The following NBEAL2 variants were observed in gnomAD, a reference collection of about 807,000 sequenced individuals.
NBEAL2 encodes neurobeachin-like protein 2.
In NBEAL2, 160 loss-of-function variants were observed where a neutral mutation model predicts 299.8. That is an observed-to-expected ratio of 0.53 (90% CI 0.47 to 0.61). The LOEUF (loss-of-function observed/expected upper bound fraction) is 0.61. Ranked by LOEUF, NBEAL2 falls within the 20% of genes least tolerant of loss-of-function variation. The probability of loss-of-function intolerance (pLI) is 0.00; values close to 1 mark genes in which losing one functional copy is unlikely to be tolerated. For missense variants in NBEAL2, 3,112 were observed against 3,649.0 expected (o/e 0.85, Z 3.79); for synonymous variants, 1,493 against 1,542.3 (o/e 0.97, Z 0.75).
chr3:47,008,592 A>G lies in NBEAL2; in HGVS notation c.7951A>G (p.Thr2651Ala). The change falls in exon 52 of 54, where the codon ACA becomes GCA. Residue 2651 changes from threonine to alanine, a missense_variant. This residue lies in a region of NBEAL2 where 348 missense variants were observed against 381.4 expected (regional missense o/e 0.91). Coordinates refer to ENST00000450053, the MANE Select transcript of NBEAL2 (RefSeq NM_015175.3). ...TTCACTGCCCCTGGCAGAGCAGCCTACAGCCCTGACGGTGACAGAGGACTT... is the reference window on the plus strand; with the variant it reads ...TTCACTGCCCCTGGCAGAGCAGCCTGCAGCCCTGACGGTGACAGAGGACTT... ...RASLPLAEQP[T>A]ALTVTEDFVL... is the part of the protein sequence containing the mutation. The G allele has an allele frequency of 6.2e-7, 1 of 1,613,682 alleles. No homozygotes were observed. Among genetic ancestry groups the G allele is most frequent in the Non-Finnish European group, 8.5e-7 (1 of 1,179,882 alleles).
At position 47,000,257 on chromosome 3, in the gene NBEAL2, C is replaced by T. The variant is rs145928108; in HGVS notation, c.4158C>T (p.Pro1386=). The change falls in exon 27 of 54, where the codon CCC becomes CCT. Residue 1386 remains proline, a synonymous_variant. Transcript: ENST00000450053. The surrounding 1 kb of genome is among the most constrained non-coding windows in gnomAD (Gnocchi z 4.5). ...SSGTLTPASQ[P]GTPSPLDGPR... ...GGACTCTTACTCCAGCCAGCCAGCC[C>T]GGCACTCCTTCGCCACTGGATGGGC... The T allele has an allele frequency of 1.9e-4, 308 of 1,613,150 alleles. 1 individual carries two copies. The highest frequency in any genetic ancestry group is 4.9e-4 in the Middle Eastern group (3 of 6,062).
Position 46,994,522 on chromosome 3 carries a change from C to A in NBEAL2, c.1265C>A (p.Thr422Asn). 6.3e-7 allele frequency: 1 copy of A among 1,591,138 alleles called. No homozygotes were observed. Among genetic ancestry groups the A allele is most frequent in the Non-Finnish European group, 8.6e-7 (1 of 1,167,196 alleles). ...QEVLQSHGPP[T>N]HRLLQELLNM... ...GTTCTGCAGAGCCATGGTCCCCCCA[C>A]CCATCGGCTGTTGCAAGAGCTGCTC... The change falls in exon 12 of 54, where the codon ACC becomes AAC. Residue 422 changes from threonine to asparagine, a missense_variant. By Grantham distance (65) the Thr-to-Asn change is moderately conservative. Transcript: ENST00000450053.
chr3:47,003,293 G>C lies in NBEAL2; in HGVS notation c.5704G>C (p.Ala1902Pro). 6.2e-7 allele frequency: 1 copy of C among 1,612,776 alleles called. No homozygotes were observed. The highest frequency in any genetic ancestry group is 1.1e-5 in the South Asian group (1 of 91,070). ...QEDQLGEDEL[A>P]ELETPMEAAE... ...GGACCAGCTCGGCGAGGACGAGCTG[G>C]CTGAGCTGGAGACCCCGTGAGTGGG... is the stretch of plus-strand genomic sequence containing the variant. Residue 1902 changes from alanine (A) to proline (P), a missense_variant, in exon 35 of 54, where the codon GCT (alanine) becomes CCT (proline). Physicochemically the swap from Ala to Pro is conservative, Grantham distance 27. This residue lies in a region of NBEAL2 where 2,243 missense variants were observed against 2,538.1 expected (regional missense o/e 0.88). Transcript: ENST00000450053. The surrounding 1 kb of genome is among the most constrained non-coding windows in gnomAD (Gnocchi z 7.0).
Position 47,000,938 on chromosome 3 carries a change from C to T in NBEAL2, c.4306-63C>T. On this transcript the variant is annotated intron_variant, in intron 27 of 53. Coordinates refer to ENST00000450053, the MANE Select transcript of NBEAL2 (RefSeq NM_015175.3). The surrounding 1 kb of genome is among the most constrained non-coding windows in gnomAD (Gnocchi z 4.5). ...GTGCTGAGTGGGGATGGGTGGGCGT[C>T]AGCCTGATTCCCTCCCTTAGCCGCC... 6.5e-7 allele frequency: 1 copy of T among 1,546,900 alleles called. No homozygotes were observed. Among genetic ancestry groups the T allele is most frequent in the Non-Finnish European group, 8.7e-7 (1 of 1,144,218 alleles).
chr3:47,002,788 G>C lies in NBEAL2; in HGVS notation c.5445G>C (p.Gly1815=). ...ALWRQLASPC[G]AWALRDTPIP... Reference sequence around the variant, plus strand: ...GGCGCCAGCTCGCCAGCCCATGTGGGGCCTGGGCGCTGAGGTGGGCCGGGC... The same window carrying C: ...GGCGCCAGCTCGCCAGCCCATGTGGCGCCTGGGCGCTGAGGTGGGCCGGGC... The change falls in exon 33 of 54, where the codon GGG becomes GGC. Residue 1815 remains glycine, a synonymous_variant. Coordinates refer to ENST00000450053, the MANE Select transcript of NBEAL2 (RefSeq NM_015175.3). The C allele has an allele frequency of 6.4e-7, 1 of 1,561,168 alleles. No individual in the cohort carries two copies. The highest frequency in any genetic ancestry group is 1.9e-5 in the Admixed American group (1 of 53,676).
Position 46,992,517 on chromosome 3 carries a change from C to G in NBEAL2, c.1075C>G (p.Leu359Val). 6.2e-7 allele frequency: 1 copy of G among 1,605,276 alleles called. No individual in the cohort carries two copies. Among genetic ancestry groups the G allele is most frequent in the Non-Finnish European group, 8.5e-7 (1 of 1,176,360 alleles). ...SRAPPEGDSD[L>V]ATRLLTEPDV... ...GGCGCCCCCCGAGGGGGACAGTGAC[C>G]TGGCTACCCGGTTACTGACTGAGCC... The change falls in exon 10 of 54, where the codon CTG becomes GTG. Residue 359 changes from leucine to valine, a missense_variant. Physicochemically the swap from Leu to Val is conservative, Grantham distance 32. This residue lies in a region of NBEAL2 where 2,243 missense variants were observed against 2,538.1 expected (regional missense o/e 0.88). Transcript: ENST00000450053.
chr3:46,998,514 G>A lies in NBEAL2; in HGVS notation c.3170G>A (p.Arg1057Gln), dbSNP rs371048264. The A allele has an allele frequency of 4.2e-5, 67 of 1,613,252 alleles. No individual in the cohort carries two copies. Among genetic ancestry groups the A allele is most frequent in the Non-Finnish European group, 5.4e-5 (64 of 1,179,742 alleles). Residue 1057 changes from arginine (R) to glutamine (Q), a missense_variant, in exon 22 of 54, where the codon CGG (arginine) becomes CAG (glutamine). Physicochemically the swap from Arg to Gln is conservative, Grantham distance 43 (BLOSUM62 1). Coordinates refer to ENST00000450053, the MANE Select transcript of NBEAL2 (RefSeq NM_015175.3). ...GTTCGGGAGCACAGACAGAAGCTGC[G>A]GAAGAAGTACGGCGTCCAGTTTATC... ...SIVREHRQKLRKKYGVQFILD... is the reference protein window; with the variant it reads ...SIVREHRQKLQKKYGVQFILD...
rs1380249280 is a variant in NBEAL2, at chr3:47,004,022, A to T, written c.5881+46A>T. On this transcript the variant is annotated intron_variant, in intron 36 of 53. Coordinates refer to ENST00000450053, the MANE Select transcript of NBEAL2 (RefSeq NM_015175.3). This position sits in a 1 kb window ranked among gnomAD's most constrained non-coding sequence, Gnocchi z 5.0. The stretch of plus-strand genomic sequence containing the variant: ...TTAGGAGGATGGCAGGGAATGGCTG[A>T]GCTCTGGGTGGGGCTGGGGTGAGTG... 1 of 1,606,140 alleles carries T rather than the reference A, an allele frequency of 6.2e-7. No individual in the cohort carries two copies. The highest frequency in any genetic ancestry group is 1.7e-5 in the Admixed American group (1 of 59,826).
Position 46,996,496 on chromosome 3 carries a change from T to C in NBEAL2, c.2377T>C (p.Trp793Arg). Residue 793 changes from tryptophan (W) to arginine (R), a missense_variant, in exon 16 of 54, where the codon TGG becomes CGG. Trp to Arg is a moderately radical substitution (Grantham distance 101, BLOSUM62 -3). Transcript: ENST00000450053. ...CCTCGCAGGCACCCAGGACACTCGG[T>C]GGGGCAGCCCCACATCCCTGGAGGG... ...STLAGTQDTR[W>R]GSPTSLEGEL... is the part of the protein sequence containing the mutation. 6.3e-7 allele frequency: 1 copy of C among 1,585,008 alleles called. No homozygotes were observed. Among genetic ancestry groups the C allele is most frequent in the Non-Finnish European group, 8.6e-7 (1 of 1,163,072 alleles).
intron 32 of NBEAL2, 43 bp from the exon 33 acceptor site, chr3:47,002,602 G>A (rs1291588217): frequency 1.2e-6 from 2 of 1,607,496 alleles, no homozygotes; most frequent in Admixed American, 1.7e-5. Flanking sequence ...AAACGGGTAG[G>A]GCAGGCAGCA....
At chr3:46,995,675 G>A in intron 13 of NBEAL2, 39 bp from the exon 14 acceptor site, 1 of 1,609,686 alleles carries the variant, frequency 6.2e-7, no homozygotes, top group Non-Finnish European at 8.5e-7. Context: ...GCCAGGGTGA[G>A]CAGGAACAAG....
rs1371533608 is a variant in NBEAL2 at position 47,008,630 on chromosome 3, C to T, written c.7989C>T (p.Gly2663=). 6.2e-7 allele frequency: 1 copy of T among 1,613,364 alleles called. No individual in the cohort carries two copies. Among genetic ancestry groups the T allele is most frequent in the African/African-American group, 1.3e-5 (1 of 74,938 alleles). Reference sequence around the variant, plus strand: ...TGACAGAGGACTTTGTGTTGCTGGGCACCGCCCAGTGCGCCCTGCACATCC... The same window carrying T: ...TGACAGAGGACTTTGTGTTGCTGGGTACCGCCCAGTGCGCCCTGCACATCC... The part of the protein sequence containing the change: ...LTVTEDFVLL[G]TAQCALHILQ... The change falls in exon 52 of 54, where the codon GGC becomes GGT. Residue 2663 remains glycine (G), a synonymous_variant. Transcript: ENST00000450053.
chr3:47,008,091 GCACCAAA>G lies in NBEAL2; in HGVS notation c.7625_7631del (p.Ala2542GlyfsTer13). 1 of 1,613,988 alleles carries G rather than the reference GCACCAAA, an allele frequency of 6.2e-7. No homozygotes were observed. Among genetic ancestry groups the G allele is most frequent in the Non-Finnish European group, 8.5e-7 (1 of 1,179,878 alleles). ...ACAGGGTGGTCTGTCAGTAGGCCTG[GCACCAAA>G]GCCTGTGCAGGTCCTGTATGGGCAT... On this transcript the variant is annotated frameshift_variant, in exon 50 of 54. Transcript: ENST00000450053. LOFTEE classifies it high-confidence loss of function.
chr3:46,991,669 C>A lies in NBEAL2; in HGVS notation c.906C>A (p.Thr302=). ...LSSGPEEALV[T]LRVSMLDAIP... ...CAGGCCCCGAAGAGGCCCTTGTCACCCTCCGGGTCAGCATGCTCGGTGGGT... is the reference window on the plus strand; with the variant it reads ...CAGGCCCCGAAGAGGCCCTTGTCACACTCCGGGTCAGCATGCTCGGTGGGT... The change falls in exon 8 of 54, where the codon ACC becomes ACA. Residue 302 remains threonine (T), a synonymous_variant. Transcript: ENST00000450053. This position sits in a 1 kb window ranked among gnomAD's most constrained non-coding sequence, Gnocchi z 6.2. 6.3e-7 allele frequency: 1 copy of A among 1,598,288 alleles called. No homozygotes were observed. The highest frequency in any genetic ancestry group is 8.5e-7 in the Non-Finnish European group (1 of 1,178,856).
At position 47,004,337 on chromosome 3, in the gene NBEAL2, G is replaced by A. The variant is rs745321939; in HGVS notation, c.6142G>A (p.Gly2048Ser). Residue 2048 changes from glycine to serine, a missense_variant, in exon 37 of 54, where the codon GGC becomes AGC. By Grantham distance (56) the Gly-to-Ser change is moderately conservative. Transcript: ENST00000450053. This position sits in a 1 kb window ranked among gnomAD's most constrained non-coding sequence, Gnocchi z 5.0. Reference sequence around the variant, plus strand: ...CCTGCGCCTACGGCCCCCCTCTCAAGGCTACCTAAGCAGCCGCTCCCCCCA... The same window carrying A: ...CCTGCGCCTACGGCCCCCCTCTCAAAGCTACCTAAGCAGCCGCTCCCCCCA... ...WLLRLRPPSQ[G>S]YLSSRSPQEM... is the part of the protein sequence containing the mutation. The A allele has an allele frequency of 1.2e-6, 2 of 1,608,722 alleles. No individual in the cohort carries two copies. The highest frequency in any genetic ancestry group is 2.2e-5 in the South Asian group (2 of 90,744).
chr3:46,996,351 C>T lies in NBEAL2; in HGVS notation c.2232C>T (p.Pro744=), dbSNP rs200828934. ...TTTGLPTPPV[P]ATLAYTHPAL... ...CAGGGCTGCCCACACCACCAGTCCC[C>T]GCCACCCTGGCCTACACTCACCCCG... Residue 744 remains proline, a synonymous_variant, in exon 16 of 54, where the codon CCC becomes CCT. Transcript: ENST00000450053. 3.4e-5 allele frequency: 55 copies of T among 1,612,414 alleles called. No homozygotes were observed. The highest frequency in any genetic ancestry group is 4.0e-5 in the African/African-American group (3 of 75,048).
At chr3:46,999,155 A>C in intron 24 of NBEAL2, 38 bp downstream of exon 24, 1 of 1,549,750 alleles carries the variant, frequency 6.5e-7, no homozygotes, top group Non-Finnish European at 8.7e-7. Flanking sequence ...CATCCCATTC[A>C]CTGGGGCCCC....
rs374527787 is a variant in NBEAL2 at position 46,995,606 on chromosome 3, G to T, written c.1871G>T (p.Arg624Leu). The change falls in exon 13 of 54, where the codon CGA (arginine) becomes CTA (leucine). Residue 624 changes from arginine (R) to leucine (L), a missense_variant. Coordinates refer to ENST00000450053, the MANE Select transcript of NBEAL2 (RefSeq NM_015175.3). ...ACAGCACCTACCCCTGCCCCCACCCGACCACTCCAGCGAAAGCAGCTGTAC... is the reference window on the plus strand; with the variant it reads ...ACAGCACCTACCCCTGCCCCCACCCTACCACTCCAGCGAAAGCAGCTGTAC... ...MDTAPTPAPT[R>L]PLQRKQLYSF... The T allele has an allele frequency of 1.9e-6, 3 of 1,611,710 alleles. No individual in the cohort carries two copies. Among genetic ancestry groups the T allele is most frequent in the Admixed American group, 1.7e-5 (1 of 59,986 alleles).
Position 47,009,346 on chromosome 3 carries a change from C to T in NBEAL2, c.*26C>T, listed in dbSNP as rs747767107. ...ACCTGGCCAGTCCGGCTGCTCGGGC[C>T]CCGCCCCCGGCAGGCCTGGCCCGGG... On this transcript the variant is annotated 3_prime_UTR_variant, in exon 54 of 54. Coordinates refer to ENST00000450053, the MANE Select transcript of NBEAL2 (RefSeq NM_015175.3). 12 of 1,560,568 alleles carry T rather than the reference C, an allele frequency of 7.7e-6. No individual in the cohort carries two copies. In the East Asian group the frequency reaches 1.4e-4, roughly 19 times the overall value.
Sources: allele counts gnomAD v4.1 joint callset, GRCh38; gene constraint gnomAD v4.1.1; regional missense constraint gnomAD v4.1.1; non-coding constraint Gnocchi (gnomAD v3.1); transcripts MANE v1.5; gene names NCBI Gene and HGNC (gene_info 2026-07-23, HGNC 2026-07-21).